Variants in DIP2C observed in about 807,000 individuals in gnomAD.
DIP2C encodes the protein disco-interacting protein 2 homolog C.
In DIP2C, 33 loss-of-function variants were observed where a neutral mutation model predicts 192.4. The observed-to-expected ratio is 0.17, with a 90% CI of 0.13 to 0.23. DIP2C has a LOEUF of 0.23. DIP2C is among the 10% of genes least tolerant of loss of function. The probability of loss-of-function intolerance (pLI) is 1.00; values close to 1 mark genes in which losing one functional copy is unlikely to be tolerated. For missense variants in DIP2C, 1,537 were observed against 2,110.1 expected, an observed-to-expected ratio of 0.73 and a Z score of 5.32; for synonymous variants, 979 against 864.1, an observed-to-expected ratio of 1.13 and a Z score of -2.33.
At chr10:337,800 C>CATGTGTTGTGGAGGCCTAGGCAGCTGTGT (rs1564577014) in intron 29 of DIP2C, among the ~76,000 whole-genome samples, 2 of 122,548 alleles carry the variant, frequency 1.6e-5, no homozygotes, top group Non-Finnish European at 3.3e-5. Flanking sequence ...TGTGTGTGCA[C>CATGTGTTGTGGAGGCCTAGGCAGCTGTGT]GTGTGTCGTG....
At chr10:316,947 T>G (rs1378266917) in intron 31 of DIP2C, among the ~76,000 whole-genome samples, 1 of 152,254 alleles carries the variant, frequency 6.6e-6, no homozygotes, top group African/African-American at 2.4e-5. Context: ...CATCTACATT[T>G]GAGTCTTCAG....
At chr10:634,235 G>A (rs142901705) in intron 1 of DIP2C, among the ~76,000 whole-genome samples, 1 of 152,350 alleles carries the variant, frequency 6.6e-6, no homozygotes, top group East Asian at 1.9e-4. Context: ...GCTCCACACA[G>A]ATGGCACACA....
intron 1 of DIP2C, among the ~76,000 whole-genome samples, chr10:671,113 A>C (rs1329409784): frequency 6.6e-6 from 1 of 152,250 alleles, no homozygotes; most frequent in Non-Finnish European, 1.5e-5. Flanking sequence ...CTATGACCCC[A>C]TCCCTGCGGC....
At chr10:556,091 C>G (rs1375143552) in intron 1 of DIP2C, among the ~76,000 whole-genome samples, 31 of 139,092 alleles carry the variant, frequency 2.2e-4, no homozygotes, top group African/African-American at 7.7e-4. Flanking sequence ...CACCCACCCC[C>G]CCTTCCATAG....
intron 1 of DIP2C, among the ~76,000 whole-genome samples, chr10:654,622 C>A (rs1440069046): frequency 1.3e-5 from 2 of 152,118 alleles, no homozygotes; most frequent in Non-Finnish European, 2.9e-5. Context: ...CCAAAGAGGA[C>A]CATCAAATGA....
chr10:685,162 ATATATATATAT>A (rs1831280695), intron 1 of DIP2C, among the ~76,000 whole-genome samples: 1 of 16,752 alleles, frequency 6.0e-5, no homozygotes, highest in Non-Finnish European at 1.2e-4. Flanking sequence ...AAAAAAAAAA[ATATATATATAT>A]ATATATATAT....
intron 1 of DIP2C, among the ~76,000 whole-genome samples, chr10:627,487 C>T (rs999164450): frequency 3.9e-5 from 6 of 152,222 alleles, no homozygotes; most frequent in African/African-American, 9.7e-5. Context: ...GACATCCAGC[C>T]GCCGGTTCTC....
At position 636,976 on chromosome 10, in the gene DIP2C, AG is replaced by A. The variant is rs1346352980; in HGVS notation, c.85+52517del. On this transcript the variant is annotated intron_variant, in intron 1 of 36. Transcript: ENST00000280886. The surrounding 1 kb of genome is among the most constrained non-coding windows in gnomAD (Gnocchi z 4.6). ...GCACCACATGGGACTCGTGTGCACC[AG>A]CACCCACATCCCCGCATCAGAAACA... Among the ~76,000 whole-genome samples, 1 of 152,266 alleles carries A rather than the reference AG, an allele frequency of 6.6e-6. No homozygotes were observed. The highest frequency in any genetic ancestry group is 1.5e-5 in the Non-Finnish European group (1 of 68,048).
chr10:590,532 C>T (rs1347472537), intron 1 of DIP2C, among the ~76,000 whole-genome samples: 1 of 152,184 alleles, frequency 6.6e-6, no homozygotes, highest in Non-Finnish European at 1.5e-5. Context: ...GGTGTTTCAT[C>T]AACGATGCAG....
intron 31 of DIP2C, among the ~76,000 whole-genome samples, chr10:318,431 C>A (rs1202287195): frequency 6.6e-6 from 1 of 152,176 alleles, no homozygotes; most frequent in Non-Finnish European, 1.5e-5. Flanking sequence ...GAATGCCATG[C>A]TGGTGGGGAA....
At chr10:355,756 C>A (rs1403343703) in intron 24 of DIP2C, among the ~76,000 whole-genome samples, 1 of 152,070 alleles carries the variant, frequency 6.6e-6, no homozygotes, top group Non-Finnish European at 1.5e-5. Context: ...CCTGAGTCTG[C>A]AATAAACATA....
intron 1 of DIP2C, among the ~76,000 whole-genome samples, chr10:635,591 A>C (rs1322028148): frequency 6.6e-6 from 1 of 152,242 alleles, no homozygotes; most frequent in East Asian, 1.9e-4. Flanking sequence ...TGTGGGCTGC[A>C]GCTGCGGGGA....
At chr10:351,567 C>T (rs1958811817) in intron 24 of DIP2C, among the ~76,000 whole-genome samples, 1 of 152,186 alleles carries the variant, frequency 6.6e-6, no homozygotes, top group South Asian at 2.1e-4. Context: ...TCATCCCACA[C>T]ATTTTCCTTG....
chr10:577,825 T>TTTG (rs1850267776), intron 1 of DIP2C, among the ~76,000 whole-genome samples: 1 of 144,308 alleles, frequency 6.9e-6, no homozygotes, highest in African/African-American at 2.6e-5. Flanking sequence ...TTTTTTGTGT[T>TTTG]TTTTTTTTTT....
chr10:527,537 G>A (rs189953320), intron 1 of DIP2C, among the ~76,000 whole-genome samples: 165 of 152,310 alleles, frequency 1.1e-3, no homozygotes, highest in African/African-American at 3.7e-3. Flanking sequence ...AGAGTTTGTT[G>A]AAAGTAACTT....
intron 30 of DIP2C, 120 bp from the exon 31 acceptor site, chr10:327,296 C>T: frequency 8.8e-7 from 1 of 1,135,430 alleles, no homozygotes; most frequent in East Asian, 2.7e-5. Context: ...CTATGCATTT[C>T]CAGGGCCACC....
At chr10:559,292 G>T (rs1849067607) in intron 1 of DIP2C, among the ~76,000 whole-genome samples, 2 of 152,072 alleles carry the variant, frequency 1.3e-5, no homozygotes, top group Admixed American at 6.5e-5. Context: ...ACAAGCCTCG[G>T]CCTGGAACAG....
chr10:681,875 T>C (rs535277906), intron 1 of DIP2C, among the ~76,000 whole-genome samples: 1 of 152,358 alleles, frequency 6.6e-6, no homozygotes, highest in African/African-American at 2.4e-5. Flanking sequence ...GAGGTCCCTG[T>C]TCGGCAACTG....
At chr10:568,542 C>T (rs1018138541) in intron 1 of DIP2C, among the ~76,000 whole-genome samples, 11 of 151,800 alleles carry the variant, frequency 7.2e-5, no homozygotes, top group Non-Finnish European at 8.8e-5. Context: ...CCGAGACGGG[C>T]GGATCATGAG....
Sources: gnomAD v4.1 joint callset for allele counts (sites outside exome capture counted in the v4.1 genomes callset) on GRCh38, gnomAD v4.1.1 for gene constraint, Gnocchi (gnomAD v3.1) non-coding constraint, MANE v1.5 for transcripts, NCBI Gene and HGNC (gene_info 2026-07-23, HGNC 2026-07-21) for gene names.